Variants in EPHA5 observed in about 807,000 individuals in gnomAD.
EPHA5 encodes EPH receptor A5, also known as ephrin type-A receptor 5.
EPHA5 carries 60 observed loss-of-function variants against 105.0 expected under a neutral mutation model. That is an observed-to-expected ratio of 0.57 (90% CI 0.46 to 0.71). The LOEUF (loss-of-function observed/expected upper bound fraction) is 0.71. EPHA5 is among the 30% of genes least tolerant of loss of function. The probability of loss-of-function intolerance (pLI) is 0.00; values close to 1 mark genes in which losing one functional copy is unlikely to be tolerated. For missense variants in EPHA5, 1,218 were observed against 1,274.7 expected, an observed-to-expected ratio of 0.96 and a Z score of 0.68; for synonymous variants, 513 against 449.1, an observed-to-expected ratio of 1.14 and a Z score of -1.80.
At chr4:65,509,304 A>T (rs1203989670) in intron 3 of EPHA5, among the ~76,000 whole-genome samples, 1 of 152,126 alleles carries the variant, frequency 6.6e-6, no homozygotes, top group Admixed American at 6.6e-5. Context: ...ATAGTATTAT[A>T]TATTATTTAT....
intron 6 of EPHA5, among the ~76,000 whole-genome samples, chr4:65,418,006 A>T (rs192860005): frequency 2.2e-4 from 34 of 152,292 alleles, no homozygotes; most frequent in Non-Finnish European, 4.4e-4. Context: ...CAGCTAGTTG[A>T]TTCAGAGATA....
At chr4:65,394,416 T>C (rs1721012231) in intron 8 of EPHA5, among the ~76,000 whole-genome samples, 1 of 152,182 alleles carries the variant, frequency 6.6e-6, no homozygotes, top group South Asian at 2.1e-4. Context: ...ACTGGTTGTA[T>C]ACAACAGTTT....
intron 2 of EPHA5, among the ~76,000 whole-genome samples, chr4:65,637,802 T>C (rs1578654299): frequency 2.6e-5 from 4 of 152,044 alleles, no homozygotes; most frequent in African/African-American, 9.6e-5. Context: ...AAGTTATCCT[T>C]CCAATAAATA....
chr4:65,384,227 C>T (rs116744356), intron 8 of EPHA5, among the ~76,000 whole-genome samples: 64 of 152,036 alleles, frequency 4.2e-4, no homozygotes, highest in African/African-American at 1.5e-3. Flanking sequence ...TAAAATTTAT[C>T]TTCACCCTCA....
intron 3 of EPHA5, among the ~76,000 whole-genome samples, chr4:65,517,418 A>G (rs1734211161): frequency 6.6e-6 from 1 of 151,802 alleles, no homozygotes. Flanking sequence ...ATATTCATTT[A>G]TTTTGAGTAA....
intron 3 of EPHA5, among the ~76,000 whole-genome samples, chr4:65,559,853 G>A (rs899751467): frequency 4.6e-5 from 7 of 152,062 alleles, no homozygotes; most frequent in African/African-American, 1.7e-4. Flanking sequence ...GGTTGATTTC[G>A]GACAGAATAA....
At chr4:65,668,140 A>G (rs1578739416) in intron 1 of EPHA5, among the ~76,000 whole-genome samples, 1 of 152,212 alleles carries the variant, frequency 6.6e-6, no homozygotes, top group East Asian at 1.9e-4. Context: ...AAATAAACTT[A>G]GAGGTTAAAG....
At chr4:65,636,117 T>A (rs937305953) in intron 2 of EPHA5, among the ~76,000 whole-genome samples, 1 of 152,218 alleles carries the variant, frequency 6.6e-6, no homozygotes, top group African/African-American at 2.4e-5. Context: ...GATATTTAGT[T>A]CTTAAAGGTT....
At chr4:65,355,066 A>G (rs2148865612) in intron 11 of EPHA5, among the ~76,000 whole-genome samples, 1 of 151,854 alleles carries the variant, frequency 6.6e-6, no homozygotes, top group Admixed American at 6.6e-5. Context: ...TGCATTTTGG[A>G]TGTAATTTAA....
chr4:65,648,588 C>T (rs1748330648), intron 1 of EPHA5, among the ~76,000 whole-genome samples: 2 of 152,152 alleles, frequency 1.3e-5, no homozygotes, highest in Admixed American at 6.5e-5. Context: ...GTCAGTTAAA[C>T]CTCCGCTACA....
intron 5 of EPHA5, among the ~76,000 whole-genome samples, chr4:65,472,361 G>A (rs1353297773): frequency 1.3e-5 from 2 of 152,058 alleles, no homozygotes; most frequent in African/African-American, 4.8e-5. Flanking sequence ...ACCATTCTGG[G>A]GTCTGAAGTG....
intron 2 of EPHA5, among the ~76,000 whole-genome samples, chr4:65,604,006 CATA>C (rs1405206431): frequency 2.0e-5 from 3 of 152,208 alleles, no homozygotes; most frequent in South Asian, 2.1e-4. Context: ...ATCAATTTAC[CATA>C]ATAAGATTAA....
chr4:65,449,579 T>C (rs1320218539), intron 5 of EPHA5, among the ~76,000 whole-genome samples: 1 of 152,172 alleles, frequency 6.6e-6, no homozygotes, highest in Non-Finnish European at 1.5e-5. Flanking sequence ...ATAACAATTA[T>C]ATAGTGAAGT....
intron 11 of EPHA5, among the ~76,000 whole-genome samples, chr4:65,355,962 T>G (rs1309316442): frequency 2.0e-5 from 3 of 151,542 alleles, no homozygotes; most frequent in Non-Finnish European, 4.4e-5. Flanking sequence ...GGATTCTGCC[T>G]GATTTATCCC....
intron 16 of EPHA5, among the ~76,000 whole-genome samples, chr4:65,327,216 A>C (rs892010039): frequency 6.6e-6 from 1 of 151,300 alleles, no homozygotes; most frequent in African/African-American, 2.4e-5. Flanking sequence ...AGTTTATTGA[A>C]AAATGAAATC....
At chr4:65,332,391 A>T (rs551595784) in intron 15 of EPHA5, among the ~76,000 whole-genome samples, 16 of 151,872 alleles carry the variant, frequency 1.1e-4, no homozygotes, top group Non-Finnish European at 2.1e-4. Context: ...AAAACAAAAC[A>T]ATAGCTAAAA....
chr4:65,486,155 A>C (rs1327513854), intron 5 of EPHA5, among the ~76,000 whole-genome samples: 1 of 152,136 alleles, frequency 6.6e-6, no homozygotes, highest in East Asian at 1.9e-4. Context: ...CTTTGTTCAC[A>C]GTGAAGTTCG....
intron 1 of EPHA5, among the ~76,000 whole-genome samples, chr4:65,657,733 T>G (rs923245534): frequency 1.9e-4 from 29 of 152,174 alleles, no homozygotes; most frequent in African/African-American, 7.0e-4. Flanking sequence ...GCAGTGACTT[T>G]AAAGAAACAA....
At chr4:65,585,120 T>TTGTGTGTGTGTGTGTGTGTG (rs76180882) in intron 3 of EPHA5, among the ~76,000 whole-genome samples, 1 of 148,920 alleles carries the variant, frequency 6.7e-6, no homozygotes, top group Non-Finnish European at 1.5e-5. Flanking sequence ...GCATGTGTGT[T>TTGTGTGTGTGTGTGTGTGTG]TGTGTGTGTG....
Sources: gnomAD v4.1 joint callset for allele counts (sites outside exome capture counted in the v4.1 genomes callset) on GRCh38, gnomAD v4.1.1 for gene constraint, MANE v1.5 for transcripts, NCBI Gene and HGNC (gene_info 2026-07-23, HGNC 2026-07-21) for gene names.